DNA2: variants seen among roughly 807,000 people sequenced by gnomAD.
The protein encoded by DNA2 is DNA replication helicase/nuclease 2.
DNA2 carries 101 observed loss-of-function variants against 119.1 expected under a neutral mutation model. That is an observed-to-expected ratio of 0.85 (90% CI 0.72 to 1.00). The LOEUF (loss-of-function observed/expected upper bound fraction) is 1.00. Ranked by LOEUF, DNA2 falls within the 50% of genes least tolerant of loss-of-function variation. DNA2 has a pLI of 0.00. For synonymous variants in DNA2, 366 were observed against 424.4 expected, an observed-to-expected ratio of 0.86 and a Z score of 1.69; for missense variants, 1,121 against 1,255.5, an observed-to-expected ratio of 0.89 and a Z score of 1.62.
intron 4 of DNA2, among the ~76,000 whole-genome samples, chr10:68,464,600 G>A (rs986017023): frequency 3.9e-5 from 6 of 151,920 alleles, no homozygotes; most frequent in Admixed American, 2.6e-4. Flanking sequence ...GTGGGAGGCC[G>A]AGGCAGGCGG....
At chr10:68,440,946 C>CA (rs1468931677) in intron 9 of DNA2, among the ~76,000 whole-genome samples, 1 of 151,996 alleles carries the variant, frequency 6.6e-6, no homozygotes, top group East Asian at 1.9e-4. Flanking sequence ...TTTGGGAGGC[C>CA]AAAGTGGGAG....
At chr10:68,443,261 T>A (rs935188502) in intron 8 of DNA2, 150 bp from the exon 9 acceptor site, 14 of 710,040 alleles carry the variant, frequency 2.0e-5, no homozygotes, top group Non-Finnish European at 2.8e-5. Context: ...CATTTAAACA[T>A]AAGCCATATG....
At position 68,422,216 on chromosome 10, in the gene DNA2, T is replaced by C. The variant is rs2051674511; in HGVS notation, c.2697+9A>G. On this transcript the variant is annotated intron_variant, in intron 17 of 20. Coordinates refer to ENST00000358410, the MANE Select transcript of DNA2 (RefSeq NM_001080449.3). ...ATGAGAAAAACTAAACAGAAATTTT[T>C]TTTTTTACCTTGTCTGTATTAAGGA... 1.3e-6 allele frequency: 2 copies of C among 1,531,930 alleles called. No individual in the cohort carries two copies. The highest frequency in any genetic ancestry group is 1.3e-5 in the South Asian group (1 of 79,726). The allele number at this position is 1,531,930 out of a possible 1,614,324, so 94.9% of individuals were successfully genotyped here.
chr10:68,417,630 G>A (rs2051609056), intron 19 of DNA2, among the ~76,000 whole-genome samples: 1 of 141,452 alleles, frequency 7.1e-6, no homozygotes, highest in Non-Finnish European at 1.5e-5. Context: ...TCCAGTCTGG[G>A]TAACAGAGCC....
At chr10:68,417,366 T>A (rs1590044206) in intron 19 of DNA2, among the ~76,000 whole-genome samples, 1 of 62,698 alleles carries the variant, frequency 1.6e-5, no homozygotes. Flanking sequence ...AAAAATGAAC[T>A]AAGGAGAGGT....
chr10:68,427,433 G>A (rs773856350), intron 14 of DNA2, among the ~76,000 whole-genome samples: 1 of 151,934 alleles, frequency 6.6e-6, no homozygotes, highest in African/African-American at 2.4e-5. Context: ...GCAGACAGAG[G>A]TGGGAGGATC....
Position 68,415,032 on chromosome 10 carries a change from T to C in DNA2, c.*7A>G. 2 of 1,564,760 alleles carry C rather than the reference T, an allele frequency of 1.3e-6. No individual in the cohort carries two copies. The highest frequency in any genetic ancestry group is 1.7e-6 in the Non-Finnish European group (2 of 1,149,382). On this transcript the variant is annotated 3_prime_UTR_variant, in exon 21 of 21. Transcript: ENST00000358410. ...CCCTAGTATGAAAAGGCAAGGGAAA[T>C]AGTGTTTTATTCTCTTTGAAAGTCA...
chr10:68,437,474 TA>T (rs764493127), intron 9 of DNA2, among the ~76,000 whole-genome samples: 75 of 140,598 alleles, frequency 5.3e-4, no homozygotes, highest in African/African-American at 7.3e-4. Flanking sequence ...CTATCTCTAC[TA>T]AAAAAAAAAA....
At chr10:68,442,561 AT>A (rs2051984246) in intron 9 of DNA2, among the ~76,000 whole-genome samples, 1 of 152,020 alleles carries the variant, frequency 6.6e-6, no homozygotes, top group Non-Finnish European at 1.5e-5. Context: ...TAATTTTTGT[AT>A]TTTTAGTAAA....
chr10:68,415,894 C>T (rs988897364), intron 20 of DNA2, among the ~76,000 whole-genome samples: 6 of 152,102 alleles, frequency 3.9e-5, no homozygotes, highest in African/African-American at 1.4e-4. Context: ...TCGCAATCCA[C>T]CTGCTTCAGC....
chr10:68,442,891 C>T (rs765929291), intron 9 of DNA2, 26 bp downstream of exon 9: 1 of 1,562,848 alleles, frequency 6.4e-7, no homozygotes, highest in African/African-American at 1.4e-5. Flanking sequence ...CTACTGAAAT[C>T]TTACTGTACT....
At position 68,471,963 on chromosome 10, in the gene DNA2, C is replaced by G; in HGVS notation, c.-99G>C. ...GGGAAAAAGGCGCGAGCCTGCGCAC[C>G]TCGCGCGCATGCGCCAACCCGCAGA... is the stretch of plus-strand genomic sequence containing the variant. On this transcript the variant is annotated 5_prime_UTR_variant, in exon 1 of 21. Coordinates refer to ENST00000358410, the MANE Select transcript of DNA2 (RefSeq NM_001080449.3). The G allele has an allele frequency of 1.9e-6, 3 of 1,612,558 alleles. No homozygotes were observed. The highest frequency in any genetic ancestry group is 2.5e-6 in the Non-Finnish European group (3 of 1,178,934).
At chr10:68,423,257 C>T (rs1424901894) in intron 14 of DNA2, among the ~76,000 whole-genome samples, 8 of 149,630 alleles carry the variant, frequency 5.3e-5, no homozygotes, top group African/African-American at 1.5e-4. Context: ...TTTCCACAAA[C>T]GACAACTAAA....
At chr10:68,438,063 A>G (rs1360664019) in intron 9 of DNA2, among the ~76,000 whole-genome samples, 2 of 152,140 alleles carry the variant, frequency 1.3e-5, no homozygotes, top group African/African-American at 4.8e-5. Context: ...AGAAAGTGCT[A>G]GGGATCGCCC....
chr10:68,418,927 C>A (rs1285894675), intron 19 of DNA2, 107 bp downstream of exon 19: 1 of 975,596 alleles, frequency 1.0e-6, no homozygotes, highest in African/African-American at 1.7e-5. Flanking sequence ...CCCGCCTTGG[C>A]CTCCCAGGGG....
chr10:68,421,237 T>G (rs908631192), intron 17 of DNA2, among the ~76,000 whole-genome samples: 1 of 151,982 alleles, frequency 6.6e-6, no homozygotes, highest in African/African-American at 2.4e-5. Flanking sequence ...TGCCCGGGTT[T>G]AAAGTCTGTT....
At chr10:68,459,321 G>C in intron 4 of DNA2, 86 bp from the exon 5 acceptor site, 3 of 1,357,286 alleles carry the variant, frequency 2.2e-6, no homozygotes, top group Non-Finnish European at 2.9e-6. Flanking sequence ...ATAAATATGA[G>C]AAAAGTAAAC....
chr10:68,422,356 C>A lies in DNA2; in HGVS notation c.2566G>T (p.Ala856Ser). ...TTAAAGTGACGTAGGTTTATCACTG[C>A]ATTGGCCACTTTGTCTGATCCACAC... Reference protein sequence around the residue: ...LECGSDKVANAVINLRHFKDV... With the variant: ...LECGSDKVANSVINLRHFKDV... Residue 856 changes from alanine to serine, a missense_variant, in exon 17 of 21, where the codon GCA becomes TCA. Physicochemically the swap from Ala to Ser is moderately conservative, Grantham distance 99. Transcript: ENST00000358410. The A allele has an allele frequency of 4.3e-6, 7 of 1,613,892 alleles. No homozygotes were observed. In the South Asian group the frequency reaches 7.7e-5, roughly 18 times the overall value.
chr10:68,468,302 A>G lies in DNA2; in HGVS notation c.262T>C (p.Ser88Pro), dbSNP rs752740519. Reference protein sequence around the residue: ...ELCILRNDWCSVPVEPGDIIH... With the variant: ...ELCILRNDWCPVPVEPGDIIH... ...ATATCTCCTGGCTCTACTGGAACAGAACACCTGAAAATAAAGCAAAGTTAA... is the reference window on the plus strand; with the variant it reads ...ATATCTCCTGGCTCTACTGGAACAGGACACCTGAAAATAAAGCAAAGTTAA... The change falls in exon 3 of 21, where the codon TCT becomes CCT. Residue 88 changes from serine (S) to proline (P), a missense_variant. Ser to Pro is a moderately conservative substitution (Grantham distance 74, BLOSUM62 -1). Transcript: ENST00000358410. The G allele has an allele frequency of 1.8e-5, 28 of 1,567,768 alleles. No homozygotes were observed. Among genetic ancestry groups the G allele is most frequent in the Non-Finnish European group, 1.6e-5 (18 of 1,158,460 alleles).
Sources: allele counts gnomAD v4.1 joint callset (sites outside exome capture counted in the v4.1 genomes callset), GRCh38; gene constraint gnomAD v4.1.1; transcripts MANE v1.5; gene names NCBI Gene and HGNC (gene_info 2026-07-23, HGNC 2026-07-21).